The following PLCB1 variants were observed in gnomAD, a reference collection of about 807,000 sequenced individuals.
PLCB1 encodes phospholipase C beta 1, also known as 1-phosphatidylinositol 4,5-bisphosphate phosphodiesterase beta-1.
PLCB1 carries 46 observed loss-of-function variants against 161.8 expected under a neutral mutation model. The observed-to-expected ratio is 0.28, with a 90% confidence interval of 0.22 to 0.36. PLCB1 has a LOEUF of 0.36. PLCB1 is among the 10% of genes least tolerant of loss of function. The pLI is 1.00. For synonymous variants in PLCB1, 517 were observed against 503.7 expected (o/e 1.03, Z -0.35); for missense variants, 1,016 against 1,472.5 (o/e 0.69, Z 5.07).
chr20:8,786,002 C>T (rs914533989), intron 27 of PLCB1, among the ~76,000 whole-genome samples: 16 of 152,100 alleles, frequency 1.1e-4, no homozygotes, highest in Middle Eastern at 3.4e-3. Flanking sequence ...GCATCCAAAT[C>T]ACCTCAGGAG....
intron 9 of PLCB1, among the ~76,000 whole-genome samples, chr20:8,669,485 C>T (rs575271136): frequency 6.6e-6 from 1 of 152,316 alleles, no homozygotes; most frequent in East Asian, 1.9e-4. Flanking sequence ...AAAAATGTAA[C>T]ATTTGTGACC....
intron 3 of PLCB1, among the ~76,000 whole-genome samples, chr20:8,491,569 C>T (rs1020040916): frequency 6.6e-6 from 1 of 152,082 alleles, no homozygotes; most frequent in African/African-American, 2.4e-5. Flanking sequence ...ATTGTTACCC[C>T]GAAATCTTGA....
intron 31 of PLCB1, among the ~76,000 whole-genome samples, chr20:8,825,770 C>T (rs977918283): frequency 1.3e-5 from 2 of 152,112 alleles, no homozygotes; most frequent in Non-Finnish European, 2.9e-5. Context: ...AAGCGGGTTG[C>T]AAAAGATTAG....
intron 11 of PLCB1, among the ~76,000 whole-genome samples, chr20:8,701,760 G>T (rs1978369570): frequency 6.6e-6 from 1 of 152,098 alleles, no homozygotes; most frequent in African/African-American, 2.4e-5. Context: ...TCCCTTCCCA[G>T]AGCAAGTAGA....
intron 10 of PLCB1, among the ~76,000 whole-genome samples, chr20:8,692,751 G>A (rs6056024): frequency 0.075 from 11,479 of 152,060 alleles, 528 homozygotes; most frequent in African/African-American, 0.12. Flanking sequence ...TTACCTCCCT[G>A]TGAACCAAGA....
At chr20:8,709,848 G>A (rs962438953) in intron 12 of PLCB1, among the ~76,000 whole-genome samples, 3 of 152,096 alleles carry the variant, frequency 2.0e-5, no homozygotes, top group Admixed American at 2.0e-4. Context: ...TTTCTCCAAC[G>A]CTTCTGAGGG....
chr20:8,548,832 T>C (rs1307388326), intron 3 of PLCB1, among the ~76,000 whole-genome samples: 1 of 152,186 alleles, frequency 6.6e-6, no homozygotes, highest in Non-Finnish European at 1.5e-5. Flanking sequence ...ATTAGTAGAA[T>C]AAGTTAAAGT....
At chr20:8,221,531 T>C (rs752333654) in intron 2 of PLCB1, among the ~76,000 whole-genome samples, 18 of 152,146 alleles carry the variant, frequency 1.2e-4, no homozygotes, top group African/African-American at 2.9e-4. Context: ...TAAATCTCAG[T>C]TATCATGAGA....
At chr20:8,546,313 C>CAAAAAAAAAAAA (rs369485988) in intron 3 of PLCB1, among the ~76,000 whole-genome samples, 4 of 102,932 alleles carry the variant, frequency 3.9e-5, no homozygotes, top group Non-Finnish European at 3.8e-5. Flanking sequence ...GACTCTATCT[C>CAAAAAAAAAAAA]AAAAAAAAAA....
chr20:8,525,389 A>T (rs1030472715), intron 3 of PLCB1, among the ~76,000 whole-genome samples: 6 of 152,174 alleles, frequency 3.9e-5, no homozygotes, highest in Non-Finnish European at 5.9e-5. Flanking sequence ...TTGGGGTTGA[A>T]ATGTCATAAA....
At chr20:8,407,106 T>A (rs1978818465) in intron 3 of PLCB1, among the ~76,000 whole-genome samples, 1 of 152,202 alleles carries the variant, frequency 6.6e-6, no homozygotes, top group East Asian at 1.9e-4. Flanking sequence ...GAATGAATCA[T>A]GTGATACTAA....
At chr20:8,785,395 T>C (rs1011732551) in intron 27 of PLCB1, among the ~76,000 whole-genome samples, 1 of 152,194 alleles carries the variant, frequency 6.6e-6, no homozygotes, top group Non-Finnish European at 1.5e-5. Flanking sequence ...GGACTACACT[T>C]TGAGTAGCAA....
chr20:8,844,882 G>C (rs1035257440), intron 31 of PLCB1, among the ~76,000 whole-genome samples: 6 of 152,008 alleles, frequency 3.9e-5, no homozygotes, highest in African/African-American at 1.5e-4. Context: ...AGGCCGAGGC[G>C]GGCGGATCAC....
rs1034625344 is a variant in PLCB1 at position 8,257,424 on chromosome 20, T to C, written c.177+107053T>C. Among the ~76,000 whole-genome samples the C allele has an allele frequency of 2.6e-5, 4 of 152,308 alleles. No homozygotes were observed. The East Asian group carries it at 7.7e-4, about 29-fold the overall frequency. On this transcript the variant is annotated intron_variant, in intron 2 of 31. Coordinates refer to ENST00000338037, the MANE Select transcript of PLCB1 (RefSeq NM_015192.4). The stretch of plus-strand genomic sequence containing the variant: ...AAAAAATCAAAATATAACATCTGTT[T>C]CTACCTGCCTGGCCTGTGAATTTTG...
At chr20:8,714,274 A>T (rs1979180412) in intron 12 of PLCB1, among the ~76,000 whole-genome samples, 1 of 152,008 alleles carries the variant, frequency 6.6e-6, no homozygotes, top group South Asian at 2.1e-4. Context: ...ACACTTGGAG[A>T]AGTAAAGCTC....
rs368448785 is a variant in PLCB1, at chr20:8,717,750, A to C, written c.1415A>C (p.Lys472Thr). The change falls in exon 14 of 32, where the codon AAG becomes ACG. Residue 472 changes from lysine (K) to threonine (T), a missense_variant. Coordinates refer to ENST00000338037, the MANE Select transcript of PLCB1 (RefSeq NM_015192.4). ...GTGAAAAATAAGAAGAAATCACACAAGTCATCAGAAGGAAGCGGCAAAAAG... is the reference window on the plus strand; with the variant it reads ...GTGAAAAATAAGAAGAAATCACACACGTCATCAGAAGGAAGCGGCAAAAAG... ...ILVKNKKKSH[K>T]SSEGSGKKKL... 3.7e-6 allele frequency: 6 copies of C among 1,613,744 alleles called. No homozygotes were observed. In the African/African-American group the frequency reaches 8.0e-5, roughly 22 times the overall value.
chr20:8,816,359 A>C (rs551514862), intron 31 of PLCB1, among the ~76,000 whole-genome samples: 1 of 152,254 alleles, frequency 6.6e-6, no homozygotes, highest in Non-Finnish European at 1.5e-5. Context: ...AATACCAAAA[A>C]CAAAAAGAAT....
chr20:8,133,403 G>C (rs2051313146), intron 1 of PLCB1, among the ~76,000 whole-genome samples: 1 of 152,100 alleles, frequency 6.6e-6, no homozygotes, highest in African/African-American at 2.4e-5. Flanking sequence ...GGGCTCATGG[G>C]CCTGCAGGCA....
At chr20:8,454,789 C>T (rs1981225361) in intron 3 of PLCB1, among the ~76,000 whole-genome samples, 1 of 152,210 alleles carries the variant, frequency 6.6e-6, no homozygotes. Context: ...GTTTCCCTGT[C>T]ATGCCTTTCT....
Sources: allele counts gnomAD v4.1 joint callset (sites outside exome capture counted in the v4.1 genomes callset), GRCh38; gene constraint gnomAD v4.1.1; transcripts MANE v1.5; gene names NCBI Gene and HGNC (gene_info 2026-07-23, HGNC 2026-07-21).